Variants in ATG14 observed in about 807,000 individuals in gnomAD.
The protein encoded by ATG14 is autophagy related 14, also known as beclin 1-associated autophagy-related key regulator.
In ATG14, 35 loss-of-function variants were observed where a neutral mutation model predicts 60.4. The observed-to-expected ratio is 0.58, with a 90% confidence interval of 0.44 to 0.77. The LOEUF (loss-of-function observed/expected upper bound fraction) is 0.77, where lower values mean the gene tolerates loss of function less well. Among genes scored for constraint, ATG14 ranks in the 30% least tolerant of loss-of-function variants. The probability of loss-of-function intolerance (pLI) is 0.00; values close to 1 mark genes in which losing one functional copy is unlikely to be tolerated. For missense variants in ATG14, 647 were observed against 626.3 expected (o/e 1.03, Z -0.35); for synonymous variants, 234 against 228.8 (o/e 1.02, Z -0.21).
At chr14:55,385,185 T>A (rs1203508740) in intron 5 of ATG14, among the ~76,000 whole-genome samples, 1 of 152,176 alleles carries the variant, frequency 6.6e-6, no homozygotes, top group Non-Finnish European at 1.5e-5. Flanking sequence ...CATTTTTAAA[T>A]CCCCATTTAT....
chr14:55,409,402 A>G (rs1006255981), intron 1 of ATG14, among the ~76,000 whole-genome samples: 2 of 152,262 alleles, frequency 1.3e-5, no homozygotes, highest in African/African-American at 2.4e-5. Flanking sequence ...CATAGAGTTT[A>G]TATCACTGGG....
intron 1 of ATG14, among the ~76,000 whole-genome samples, chr14:55,402,199 A>G (rs1158215136): frequency 1.3e-5 from 2 of 152,190 alleles, no homozygotes; most frequent in Admixed American, 1.3e-4. Flanking sequence ...TGTCCCAAGC[A>G]CAGCACCTTT....
chr14:55,397,541 T>A, intron 1 of ATG14, 107 bp from the exon 2 acceptor site: 1 of 880,978 alleles, frequency 1.1e-6, no homozygotes, highest in Non-Finnish European at 1.8e-6. Context: ...TGTGAAAATG[T>A]CATTGTCCTG....
At chr14:55,394,342 T>C (rs773184277) in intron 3 of ATG14, among the ~76,000 whole-genome samples, 6 of 152,164 alleles carry the variant, frequency 3.9e-5, no homozygotes, top group African/African-American at 7.2e-5. Flanking sequence ...ACTGGTTGTG[T>C]TGAAGATCAG....
Position 55,368,567 on chromosome 14 carries a change from AG to A in ATG14, c.*1051del, listed in dbSNP as rs1884737334. On this transcript the variant is annotated 3_prime_UTR_variant, in exon 10 of 10. Coordinates refer to ENST00000247178, the MANE Select transcript of ATG14 (RefSeq NM_014924.5). Reference sequence around the variant, plus strand: ...TGCTTTCCCCAGAACAGAGCAGAGTAGCATCAGCCGTAAGGATCTGCGCTGC... The same window carrying A: ...TGCTTTCCCCAGAACAGAGCAGAGTACATCAGCCGTAAGGATCTGCGCTGC... 6.6e-6 allele frequency: 1 copy of A among 152,240 alleles called. No homozygotes were observed. The highest frequency in any genetic ancestry group is 2.4e-5 in the African/African-American group (1 of 41,460). 9.4% of individuals were successfully genotyped at this position (152,240 alleles called of 1,614,324 possible). A position where few individuals can be genotyped will look rare whatever the true frequency, so the allele number is the denominator to read the frequency against.
intron 4 of ATG14, among the ~76,000 whole-genome samples, chr14:55,389,811 A>C (rs1885183301): frequency 6.6e-6 from 1 of 152,264 alleles, no homozygotes; most frequent in African/African-American, 2.4e-5. Context: ...TTAGGATTAG[A>C]AACGAGTATT....
rs1304599623 is a variant in ATG14 at position 55,385,912 on chromosome 14, T to C, written c.594A>G (p.Ile198Met). ...ERLANLRRSH[I>M]LELTSVIFPI... is the part of the protein sequence containing the mutation. ...GAAAAATGACAGAGGTGAGCTCTAA[T>C]ATATGGGATCGTCGAAGATTTGCCA... The change falls in exon 5 of 10, where the codon ATA becomes ATG. Residue 198 changes from isoleucine (I) to methionine (M), a missense_variant. Transcript: ENST00000247178. 6.2e-7 allele frequency: 1 copy of C among 1,614,188 alleles called. No individual in the cohort carries two copies. Among genetic ancestry groups the C allele is most frequent in the South Asian group, 1.1e-5 (1 of 91,082 alleles).
At chr14:55,373,522 C>T (rs1305810156) in intron 9 of ATG14, among the ~76,000 whole-genome samples, 1 of 152,158 alleles carries the variant, frequency 6.6e-6, no homozygotes, top group Non-Finnish European at 1.5e-5. Context: ...TGTAGCAGCA[C>T]GATCTCAGCT....
chr14:55,392,648 C>CAAAA (rs1197794000), intron 3 of ATG14, among the ~76,000 whole-genome samples: 3 of 51,884 alleles, frequency 5.8e-5, no homozygotes, highest in Non-Finnish European at 4.1e-5. Flanking sequence ...GACTCCACCT[C>CAAAA]AAAAAAAAAA....
intron 1 of ATG14, among the ~76,000 whole-genome samples, chr14:55,406,644 A>G: frequency 6.6e-6 from 1 of 152,226 alleles, no homozygotes; most frequent in East Asian, 1.9e-4. Context: ...GGCTATTAGA[A>G]CAATGGTCCT....
rs114030577 is a variant in ATG14 at position 55,369,477 on chromosome 14, C to T, written c.*142G>A. On this transcript the variant is annotated 3_prime_UTR_variant, in exon 10 of 10. Transcript: ENST00000247178. ...CTTGGCAAATAGAAATGTTTGTCTC[C>T]CTGCTTAAAAAGACAAAACAAAACA... The T allele has an allele frequency of 8.4e-4, 675 of 799,874 alleles. 9 individuals carry two copies. In the African/African-American group the frequency reaches 0.011, roughly 13 times the overall value. 49.5% of individuals were successfully genotyped at this position (799,874 alleles called of 1,614,324 possible).
intron 9 of ATG14, among the ~76,000 whole-genome samples, chr14:55,374,507 C>T (rs1566577406): frequency 2.0e-5 from 3 of 152,174 alleles, no homozygotes; most frequent in Non-Finnish European, 1.5e-5. Flanking sequence ...TTGTTTATGG[C>T]AGCTTTCACT....
rs1884802113 is a variant in ATG14, at chr14:55,370,918, G to C, written c.1173-993C>G. Reference sequence around the variant, plus strand: ...TGCCTCTCAAAACGCTGAGATTACAGTTGTGAGCCACCACGCCCGGCCGCC... The same window carrying C: ...TGCCTCTCAAAACGCTGAGATTACACTTGTGAGCCACCACGCCCGGCCGCC... On this transcript the variant is annotated intron_variant, in intron 9 of 9. Transcript: ENST00000247178. 2.0e-5 allele frequency among the ~76,000 whole-genome samples: 3 copies of C among 152,272 alleles called. No homozygotes were observed. In the South Asian group the frequency reaches 6.2e-4, roughly 32 times the overall value.
At chr14:55,380,247 C>T (rs1885002582) in intron 7 of ATG14, among the ~76,000 whole-genome samples, 1 of 134,484 alleles carries the variant, frequency 7.4e-6, no homozygotes, top group Non-Finnish European at 1.6e-5. Flanking sequence ...GACTCTGTCT[C>T]AAAACAACAA....
rs1566585805 is a variant in ATG14, at chr14:55,402,965, ATAT to A, written c.222-5534_222-5532del. 1.1e-3 allele frequency among the ~76,000 whole-genome samples: 84 copies of A among 76,466 alleles called. 2 individuals are homozygous for A. The highest frequency in any genetic ancestry group is 3.7e-3 in the Admixed American group (24 of 6,542). 50.2% of individuals were successfully genotyped at this position (76,466 alleles called of 152,430 possible). On this transcript the variant is annotated intron_variant, in intron 1 of 9. Coordinates refer to ENST00000247178, the MANE Select transcript of ATG14 (RefSeq NM_014924.5). Reference sequence around the variant, plus strand: ...TATATATATATATATATATATATATATATAAATAGCTGGGCATAGTGGTGCATG... The same window carrying A: ...TATATATATATATATATATATATATAAAATAGCTGGGCATAGTGGTGCATG...
At chr14:55,390,871 G>T in intron 4 of ATG14, 40 bp downstream of exon 4, 1 of 1,371,772 alleles carries the variant, frequency 7.3e-7, no homozygotes, top group Non-Finnish European at 1.0e-6. Flanking sequence ...TTCCACATAG[G>T]CACTTTCTAG....
intron 3 of ATG14, chr14:55,395,038 A>G: frequency 2.1e-6 from 1 of 486,834 alleles, no homozygotes; most frequent in Non-Finnish European, 4.2e-6. Flanking sequence ...TTGGTTAGCC[A>G]CTTCTGACTT....
At chr14:55,402,130 T>C (rs1029745451) in intron 1 of ATG14, among the ~76,000 whole-genome samples, 10 of 152,146 alleles carry the variant, frequency 6.6e-5, no homozygotes, top group African/African-American at 2.4e-4. Flanking sequence ...AGACTATTAA[T>C]TCTGTGCTAG....
intron 6 of ATG14, 127 bp downstream of exon 6, chr14:55,381,835 G>C: frequency 2.8e-6 from 2 of 725,484 alleles, no homozygotes; most frequent in Non-Finnish European, 4.6e-6. Flanking sequence ...GGAGGTGATG[G>C]GAGCACAGTG....
Sources: gnomAD v4.1 joint callset for allele counts (sites outside exome capture counted in the v4.1 genomes callset) on GRCh38, gnomAD v4.1.1 for gene constraint, MANE v1.5 for transcripts, NCBI Gene and HGNC (gene_info 2026-07-23, HGNC 2026-07-21) for gene names.